CDH20: variants seen among roughly 807,000 people sequenced by gnomAD.
CDH20 encodes the protein cadherin-20.
CDH20 carries 29 observed loss-of-function variants against 74.2 expected under a neutral mutation model. The observed-to-expected ratio is 0.39, with a 90% CI of 0.29 to 0.53. CDH20 has a LOEUF of 0.53. CDH20 is among the 20% of genes least tolerant of loss of function. The pLI, the probability that CDH20 is intolerant of heterozygous loss-of-function variation, is 0.69. For synonymous variants in CDH20, 469 were observed against 405.4 expected, an observed-to-expected ratio of 1.16 and a Z score of -1.88; for missense variants, 988 against 1,048.3, an observed-to-expected ratio of 0.94 and a Z score of 0.79.
Position 61,417,578 on chromosome 18 carries a change from T to TAAAAAAAAAAAAAAAAAA in CDH20, c.-152-72814_-152-72797dup. Among the ~76,000 whole-genome samples, 30 of 62,344 alleles carry TAAAAAAAAAAAAAAAAAA rather than the reference T, an allele frequency of 4.8e-4. 5 individuals carry two copies. The highest frequency in any genetic ancestry group is 1.8e-3 in the African/African-American group (23 of 12,556). The allele number at this position is 62,344 out of a possible 152,430, so 40.9% of individuals were successfully genotyped here. On this transcript the variant is annotated intron_variant, in intron 1 of 11. Coordinates refer to ENST00000262717, the MANE Select transcript of CDH20 (RefSeq NM_031891.4). ...TATGTTCTTACTCAGATGTGGGAGC[T>TAAAAAAAAAAAAAAAAAA]AAAAAAAAAAAAAAAAAAAAAAAAA...
chr18:61,434,993 A>G (rs1406564518), intron 1 of CDH20, among the ~76,000 whole-genome samples: 3 of 152,176 alleles, frequency 2.0e-5, no homozygotes, highest in Admixed American at 1.3e-4. Context: ...GGACAGAACT[A>G]AAACTCAAAG....
At chr18:61,389,975 A>G (rs1911721070) in intron 1 of CDH20, among the ~76,000 whole-genome samples, 1 of 152,202 alleles carries the variant, frequency 6.6e-6, no homozygotes, top group African/African-American at 2.4e-5. Flanking sequence ...TAAAAATAAA[A>G]CAAAAACCTT....
chr18:61,402,256 G>C (rs528663606), intron 1 of CDH20, among the ~76,000 whole-genome samples: 4 of 152,118 alleles, frequency 2.6e-5, no homozygotes, highest in Non-Finnish European at 5.9e-5. Flanking sequence ...TGCCTTTGGG[G>C]ATCCAGTAGG....
intron 3 of CDH20, among the ~76,000 whole-genome samples, chr18:61,499,697 T>C (rs1239103400): frequency 6.6e-6 from 1 of 152,196 alleles, no homozygotes; most frequent in Non-Finnish European, 1.5e-5. Flanking sequence ...CCAGAGCAAG[T>C]AATAATAATA....
intron 1 of CDH20, among the ~76,000 whole-genome samples, chr18:61,461,996 C>T (rs1286447022): frequency 6.6e-6 from 1 of 152,106 alleles, no homozygotes; most frequent in Non-Finnish European, 1.5e-5. Context: ...AGTGAAGTTA[C>T]AAAGTTACAC....
chr18:61,434,515 T>G (rs898227353), intron 1 of CDH20, among the ~76,000 whole-genome samples: 1 of 152,144 alleles, frequency 6.6e-6, no homozygotes, highest in Non-Finnish European at 1.5e-5. Flanking sequence ...GGAGCTATTA[T>G]AATTACCAGA....
chr18:61,345,786 G>A (rs890172941), intron 1 of CDH20, among the ~76,000 whole-genome samples: 6 of 152,286 alleles, frequency 3.9e-5, no homozygotes, highest in South Asian at 2.1e-4. Flanking sequence ...GATAGAGTGC[G>A]AACTAGGAGA....
chr18:61,540,055 T>C (rs572638694), intron 9 of CDH20, among the ~76,000 whole-genome samples: 90 of 152,278 alleles, frequency 5.9e-4, no homozygotes, highest in African/African-American at 1.8e-3. Context: ...CATGTAGCAA[T>C]GCATGTCAGG....
At chr18:61,457,286 C>A (rs1284341399) in intron 1 of CDH20, among the ~76,000 whole-genome samples, 1 of 152,060 alleles carries the variant, frequency 6.6e-6, no homozygotes, top group African/African-American at 2.4e-5. Flanking sequence ...CTTAATCTCT[C>A]TTAATAATTA....
At chr18:61,386,366 C>T (rs776595832) in intron 1 of CDH20, among the ~76,000 whole-genome samples, 18 of 152,186 alleles carry the variant, frequency 1.2e-4, no homozygotes, top group Non-Finnish European at 1.9e-4. Flanking sequence ...CACTCTCACC[C>T]TTCCTTTCTT....
intron 1 of CDH20, among the ~76,000 whole-genome samples, chr18:61,432,225 C>T (rs757724048): frequency 4.6e-4 from 41 of 89,758 alleles, no homozygotes; most frequent in Non-Finnish European, 4.6e-4. Context: ...GCCTGGGTGA[C>T]AAGAACAAAA....
chr18:61,372,946 C>A (rs1336150972), intron 1 of CDH20, among the ~76,000 whole-genome samples: 1 of 152,130 alleles, frequency 6.6e-6, no homozygotes, highest in Non-Finnish European at 1.5e-5. Flanking sequence ...CGACCTCTCA[C>A]TGATAGAACG....
chr18:61,538,584 G>T (rs111976143), intron 8 of CDH20, among the ~76,000 whole-genome samples: 43,520 of 54,824 alleles, frequency 0.79, 16,857 homozygotes, highest in Middle Eastern at 0.87. Flanking sequence ...ACTACTTTTT[G>T]TTTGTTTGTT....
chr18:61,536,721 A>G, intron 8 of CDH20, 92 bp downstream of exon 8: 2 of 1,122,952 alleles, frequency 1.8e-6, no homozygotes, highest in Non-Finnish European at 2.6e-6. Flanking sequence ...AACAAAAATT[A>G]TATCCTTTAA....
At chr18:61,522,808 A>C (rs974708656) in intron 6 of CDH20, among the ~76,000 whole-genome samples, 1 of 152,354 alleles carries the variant, frequency 6.6e-6, no homozygotes, top group East Asian at 1.9e-4. Flanking sequence ...AAAACAATCA[A>C]TGGGGAAAGG....
chr18:61,530,252 G>C (rs1031158615), intron 7 of CDH20, among the ~76,000 whole-genome samples: 1 of 152,178 alleles, frequency 6.6e-6, no homozygotes, highest in Non-Finnish European at 1.5e-5. Flanking sequence ...AACACTGGGG[G>C]TCCTAGACTC....
At chr18:61,467,380 C>T (rs546425601) in intron 1 of CDH20, among the ~76,000 whole-genome samples, 2 of 152,076 alleles carry the variant, frequency 1.3e-5, no homozygotes, top group South Asian at 2.1e-4. Flanking sequence ...GGTTTTTTTC[C>T]CCAAAAGTCA....
chr18:61,346,453 C>T (rs994615011), intron 1 of CDH20, among the ~76,000 whole-genome samples: 17 of 152,060 alleles, frequency 1.1e-4, no homozygotes, highest in African/African-American at 4.1e-4. Context: ...GTCACAGCCA[C>T]ATTGAACAAT....
chr18:61,491,149 A>G (rs1910947679), intron 2 of CDH20, among the ~76,000 whole-genome samples: 1 of 152,216 alleles, frequency 6.6e-6, no homozygotes, highest in South Asian at 2.1e-4. Flanking sequence ...CAAGAAGAGT[A>G]CAGAGTTTTT....
Sources: allele counts gnomAD v4.1 joint callset (sites outside exome capture counted in the v4.1 genomes callset), GRCh38; gene constraint gnomAD v4.1.1; transcripts MANE v1.5; gene names NCBI Gene and HGNC (gene_info 2026-07-23, HGNC 2026-07-21).